Variants in RBPMS observed in about 807,000 individuals in gnomAD.
RBPMS encodes RNA-binding protein with multiple splicing.
In RBPMS, 7 loss-of-function variants were observed where a neutral mutation model predicts 26.8. The ratio of observed to expected loss-of-function variants is 0.26; its 90% confidence interval spans 0.15 to 0.49. RBPMS has a LOEUF of 0.49. RBPMS is among the 20% of genes least tolerant of loss of function. RBPMS has a pLI of 0.98. For synonymous variants in RBPMS, 96 were observed against 93.3 expected, an observed-to-expected ratio of 1.03 and a Z score of -0.17; for missense variants, 186 against 250.0, an observed-to-expected ratio of 0.74 and a Z score of 1.73.
At chr8:30,487,816 C>T (rs940110523) in intron 4 of RBPMS, among the ~76,000 whole-genome samples, 5 of 151,614 alleles carry the variant, frequency 3.3e-5, no homozygotes, top group Admixed American at 1.3e-4. Context: ...AAAAATACAC[C>T]GTGAAGTATA....
intron 1 of RBPMS, among the ~76,000 whole-genome samples, chr8:30,445,931 C>T (rs962017765): frequency 6.6e-6 from 1 of 152,064 alleles, no homozygotes; most frequent in Non-Finnish European, 1.5e-5. Flanking sequence ...TCCCAAAGTG[C>T]TGGGATTATA....
chr8:30,510,812 A>G (rs1370781743), intron 5 of RBPMS, among the ~76,000 whole-genome samples: 1 of 152,076 alleles, frequency 6.6e-6, no homozygotes, highest in African/African-American at 2.4e-5. Flanking sequence ...GGCTCAAGCA[A>G]TCCACCTGCC....
At chr8:30,514,854 G>A (rs2150966766) in intron 5 of RBPMS, among the ~76,000 whole-genome samples, 1 of 151,708 alleles carries the variant, frequency 6.6e-6, no homozygotes, top group African/African-American at 2.4e-5. Context: ...ATTGCCTAAT[G>A]AAATGGGTCA....
chr8:30,501,307 A>G (rs7459974), intron 4 of RBPMS, among the ~76,000 whole-genome samples: 42,289 of 136,980 alleles, frequency 0.31, 6,583 homozygotes, highest in South Asian at 0.54. Context: ...CCTGTTACAG[A>G]GAAATTTGCT....
intron 4 of RBPMS, among the ~76,000 whole-genome samples, chr8:30,497,397 A>G (rs971958335): frequency 1.3e-5 from 2 of 152,124 alleles, no homozygotes; most frequent in African/African-American, 4.8e-5. Flanking sequence ...ATAAAAAATC[A>G]GCTGGGCATG....
At chr8:30,423,252 C>G (rs142708487) in intron 1 of RBPMS, among the ~76,000 whole-genome samples, 1,627 of 152,326 alleles carry the variant, frequency 0.011, 23 homozygotes, top group African/African-American at 0.037. Context: ...GATCCAGACT[C>G]TCAAACATCT....
At chr8:30,549,797 CCCTCTCT>C (rs56328442) in intron 6 of RBPMS, among the ~76,000 whole-genome samples, 1 of 29,540 alleles carries the variant, frequency 3.4e-5, no homozygotes, top group Admixed American at 4.4e-4. Context: ...TCTCTCTCTC[CCCTCTCT>C]CCTCTCTCTC....
At chr8:30,391,883 T>G (rs1807829312) in intron 1 of RBPMS, among the ~76,000 whole-genome samples, 1 of 152,052 alleles carries the variant, frequency 6.6e-6, no homozygotes. Context: ...TCAGAAATCT[T>G]TTTATCTATT....
At chr8:30,566,123 G>A in intron 7 of RBPMS, 134 bp from the exon 8 acceptor site, 1 of 233,702 alleles carries the variant, frequency 4.3e-6, no homozygotes, top group Non-Finnish European at 7.0e-6. Flanking sequence ...CAGCTCAGCA[G>A]CAGAGGCCTT....
intron 1 of RBPMS, among the ~76,000 whole-genome samples, chr8:30,472,572 T>A (rs898839528): frequency 4.6e-5 from 7 of 152,216 alleles, no homozygotes; most frequent in Admixed American, 2.6e-4. Flanking sequence ...GTTTATTATA[T>A]ATCAATCATA....
At chr8:30,414,956 C>T (rs1263521872) in intron 1 of RBPMS, among the ~76,000 whole-genome samples, 1 of 151,992 alleles carries the variant, frequency 6.6e-6, no homozygotes, top group Non-Finnish European at 1.5e-5. Flanking sequence ...GATAGTGTTC[C>T]TTGGCACTCC....
chr8:30,494,710 G>A (rs192037666), intron 4 of RBPMS, among the ~76,000 whole-genome samples: 57 of 152,266 alleles, frequency 3.7e-4, no homozygotes, highest in African/African-American at 1.3e-3. Flanking sequence ...ATTAACTCTA[G>A]CTGATGGTAC....
chr8:30,562,583 G>A (rs1005114794), intron 7 of RBPMS, among the ~76,000 whole-genome samples: 2 of 152,100 alleles, frequency 1.3e-5, no homozygotes, highest in Non-Finnish European at 2.9e-5. Flanking sequence ...TTCCAAGATG[G>A]CCCATAATCC....
At chr8:30,389,557 G>A (rs2150537860) in intron 1 of RBPMS, among the ~76,000 whole-genome samples, 1 of 152,288 alleles carries the variant, frequency 6.6e-6, no homozygotes, top group Non-Finnish European at 1.5e-5. Flanking sequence ...CTATCAAAAT[G>A]TGTTCAGGCC....
At chr8:30,484,669 T>C (rs1192537645) in intron 4 of RBPMS, among the ~76,000 whole-genome samples, 1 of 152,220 alleles carries the variant, frequency 6.6e-6, no homozygotes, top group African/African-American at 2.4e-5. Flanking sequence ...TCAATAGTAT[T>C]TGCAGTTAAG....
At chr8:30,499,809 C>G (rs1820360390) in intron 4 of RBPMS, among the ~76,000 whole-genome samples, 1 of 151,726 alleles carries the variant, frequency 6.6e-6, no homozygotes, top group South Asian at 2.1e-4. Context: ...GGAAATCAAA[C>G]TGAAGTAAAG....
chr8:30,518,687 C>CT (rs58763494), intron 5 of RBPMS, among the ~76,000 whole-genome samples: 2,947 of 18,070 alleles, frequency 0.16, 957 homozygotes, highest in East Asian at 0.22. Flanking sequence ...CCAAGCATGA[C>CT]TTTTTTTTTT....
intron 7 of RBPMS, among the ~76,000 whole-genome samples, chr8:30,561,556 A>G (rs1339948346): frequency 6.6e-6 from 1 of 152,156 alleles, no homozygotes; most frequent in Non-Finnish European, 1.5e-5. Flanking sequence ...CTCAGCATAA[A>G]CTGACCGTTG....
intron 5 of RBPMS, among the ~76,000 whole-genome samples, chr8:30,531,494 C>T (rs2151013009): frequency 6.6e-6 from 1 of 152,316 alleles, no homozygotes; most frequent in South Asian, 2.1e-4. Context: ...GAATTACTTA[C>T]TATTCCCCAG....
Sources: allele counts gnomAD v4.1 joint callset (sites outside exome capture counted in the v4.1 genomes callset), GRCh38; gene constraint gnomAD v4.1.1; transcripts MANE v1.5; gene names NCBI Gene and HGNC (gene_info 2026-07-23, HGNC 2026-07-21).